Variants in SCGB1D2 observed in about 807,000 individuals in gnomAD.
The protein encoded by SCGB1D2 is secretoglobin family 1D member 2.
In SCGB1D2, 10 loss-of-function variants were observed where a neutral mutation model predicts 10.5. The observed-to-expected ratio is 0.95, with a 90% CI of 0.59 to 1.61. The LOEUF is 1.61. SCGB1D2 is among the 40% of genes most tolerant of loss of function. The pLI is 0.00. For missense variants in SCGB1D2, 113 were observed against 103.8 expected, an observed-to-expected ratio of 1.09 and a Z score of -0.38; for synonymous variants, 42 against 42.8, an observed-to-expected ratio of 0.98 and a Z score of 0.08.
At chr11:62,242,637 G>A (rs1312415222) in intron 1 of SCGB1D2, among the ~76,000 whole-genome samples, 3 of 152,194 alleles carry the variant, frequency 2.0e-5, no homozygotes, top group South Asian at 4.1e-4. Flanking sequence ...ATGATGTAAT[G>A]TGAGGTCTGG....
chr11:62,243,506 CT>C, intron 2 of SCGB1D2, 30 bp downstream of exon 2: 1 of 1,578,956 alleles, frequency 6.3e-7, no homozygotes, highest in Non-Finnish European at 8.7e-7. Context: ...TTTGTTAAGG[CT>C]TCTGGTCAGC....
In SCGB1D2 at chr11:62,242,247, G is replaced by T. The variant is rs1474288630; in HGVS notation, c.-61G>T. The T allele has an allele frequency of 6.3e-7, 1 of 1,577,772 alleles. No homozygotes were observed. The highest frequency in any genetic ancestry group is 1.3e-5 in the African/African-American group (1 of 74,086). ...GGGCTCTGCAGCTCCACAGGCTCCT[G>T]GGGTGGAGTCCAAATCACTCATTGT... On this transcript the variant is annotated 5_prime_UTR_variant, in exon 1 of 3. Transcript: ENST00000244926.
rs1367532446 is a variant in SCGB1D2, at chr11:62,242,321, T to C, written c.14T>C (p.Val5Ala). Reference sequence around the variant, plus strand: ...AAACAAGCCACCATGAAGCTGTCGGTGTGTCTCCTGCTGGTCACGCTGGCC... The same window carrying C: ...AAACAAGCCACCATGAAGCTGTCGGCGTGTCTCCTGCTGGTCACGCTGGCC... MKLS[V>A]CLLLVTLALC... The change falls in exon 1 of 3, where the codon GTG (valine) becomes GCG (alanine). Residue 5 changes from valine to alanine, a missense_variant. Val to Ala is a moderately conservative substitution (Grantham distance 64). Coordinates refer to ENST00000244926, the MANE Select transcript of SCGB1D2 (RefSeq NM_006551.4). 6.2e-7 allele frequency: 1 copy of C among 1,613,966 alleles called. No individual in the cohort carries two copies. The highest frequency in any genetic ancestry group is 8.5e-7 in the Non-Finnish European group (1 of 1,179,994).
intron 2 of SCGB1D2, 31 bp from the exon 3 acceptor site, chr11:62,244,639 C>A: frequency 2.5e-6 from 4 of 1,608,062 alleles, no homozygotes; most frequent in African/African-American, 1.3e-5. Flanking sequence ...GCATGACTGA[C>A]CCCACCTTCT....
In SCGB1D2 at chr11:62,243,392, G is replaced by A. The variant is rs747612106; in HGVS notation, c.159G>A (p.Pro53=). Residue 53 remains proline (P), a synonymous_variant, in exon 2 of 3, where the codon CCG becomes CCA. Transcript: ENST00000244926. The part of the protein sequence containing the change: ...KLSLAKFDAP[P]EAVAAKLGVK... ...GTCTTGCCAAATTTGATGCCCCTCC[G>A]GAAGCTGTTGCAGCCAAGTTAGGAG... 4.6e-5 allele frequency: 74 copies of A among 1,613,900 alleles called. No homozygotes were observed. The highest frequency in any genetic ancestry group is 1.6e-4 in the Middle Eastern group (1 of 6,082).
At chr11:62,243,603 G>C (rs1026425999) in intron 2 of SCGB1D2, 127 bp downstream of exon 2, 1 of 747,070 alleles carries the variant, frequency 1.3e-6, no homozygotes, top group African/African-American at 1.7e-5. Context: ...CTCTTGAGAA[G>C]GTCACCTGGG....
chr11:62,244,284 G>C (rs1197323829), intron 2 of SCGB1D2, among the ~76,000 whole-genome samples: 1 of 152,168 alleles, frequency 6.6e-6, no homozygotes, highest in African/African-American at 2.4e-5. Context: ...TGGAAGCCAA[G>C]CTTCCCAGAA....
In SCGB1D2 at chr11:62,243,474, C is replaced by G. The variant is rs1306806862; in HGVS notation, c.241C>G (p.Leu81Val). ...LQKRSLIAEV[L>V]VKILKKCSV Reference sequence around the variant, plus strand: ...GAAACGAAGCCTCATTGCGGAAGTCCTGGTAACTTCTTTCTCCTTTATTTG... The same window carrying G: ...GAAACGAAGCCTCATTGCGGAAGTCGTGGTAACTTCTTTCTCCTTTATTTG... Residue 81 changes from leucine to valine, a missense_variant and splice_region_variant, in exon 2 of 3, where the codon CTG becomes GTG. Coordinates refer to ENST00000244926, the MANE Select transcript of SCGB1D2 (RefSeq NM_006551.4). 6.2e-7 allele frequency: 1 copy of G among 1,611,214 alleles called. No individual in the cohort carries two copies. Among genetic ancestry groups the G allele is most frequent in the Non-Finnish European group, 8.5e-7 (1 of 1,178,392 alleles).
Position 62,244,664 on chromosome 11 carries a change from T to C in SCGB1D2, c.244-6T>C. The C allele has an allele frequency of 6.2e-7, 1 of 1,612,816 alleles. No homozygotes were observed. On this transcript the variant is annotated splice_region_variant and splice_polypyrimidine_tract_variant and intron_variant, in intron 2 of 2. Transcript: ENST00000244926. ...CCCCACCTTCTTTTTTCTTTTCCTA[T>C]TTTAGGTGAAAATATTGAAGAAATG...
rs1165960090 is a variant in SCGB1D2, at chr11:62,242,346, C to T, written c.39C>T (p.Ala13=). The part of the protein sequence containing the change: ...LSVCLLLVTL[A]LCCYQANAEF... ...TGTGTCTCCTGCTGGTCACGCTGGC[C>T]CTCTGCTGCTACCAGGGTGAGTACA... The change falls in exon 1 of 3, where the codon GCC becomes GCT. Residue 13 remains alanine (A), a synonymous_variant. Coordinates refer to ENST00000244926, the MANE Select transcript of SCGB1D2 (RefSeq NM_006551.4). 4.3e-6 allele frequency: 7 copies of T among 1,614,022 alleles called. No homozygotes were observed. Among genetic ancestry groups the T allele is most frequent in the Non-Finnish European group, 5.9e-6 (7 of 1,179,950 alleles).
At chr11:62,244,247 T>C (rs1365919316) in intron 2 of SCGB1D2, among the ~76,000 whole-genome samples, 1 of 152,112 alleles carries the variant, frequency 6.6e-6, no homozygotes, top group Non-Finnish European at 1.5e-5. Flanking sequence ...TGAGGCAGAA[T>C]TCCCACATGG....
Position 62,244,756 on chromosome 11 carries a change from C to T in SCGB1D2, c.*57C>T. On this transcript the variant is annotated 3_prime_UTR_variant, in exon 3 of 3. Coordinates refer to ENST00000244926, the MANE Select transcript of SCGB1D2 (RefSeq NM_006551.4). ...TCTTTCAATGACACCCTGATCTTCA[C>T]TGCAGAATGTAAAGGTTTCAACGTC... is the stretch of plus-strand genomic sequence containing the variant. The T allele has an allele frequency of 1.4e-6, 2 of 1,414,758 alleles. No individual in the cohort carries two copies. The highest frequency in any genetic ancestry group is 2.0e-6 in the Non-Finnish European group (2 of 1,001,938). 87.6% of individuals were successfully genotyped at this position (1,414,758 alleles called of 1,614,324 possible).
rs769104183 is a variant in SCGB1D2, at chr11:62,242,307, C to G, written c.-1C>G. On this transcript the variant is annotated 5_prime_UTR_variant, in exon 1 of 3. Coordinates refer to ENST00000244926, the MANE Select transcript of SCGB1D2 (RefSeq NM_006551.4). The stretch of plus-strand genomic sequence containing the variant: ...CTGAGCTCACAGCAAAACAAGCCAC[C>G]ATGAAGCTGTCGGTGTGTCTCCTGC... 1 of 1,614,078 alleles carries G rather than the reference C, an allele frequency of 6.2e-7. No individual in the cohort carries two copies. Among genetic ancestry groups the G allele is most frequent in the South Asian group, 1.1e-5 (1 of 91,072 alleles).
chr11:62,243,490 C>G lies in SCGB1D2; in HGVS notation c.243+14C>G. 1 of 1,606,398 alleles carries G rather than the reference C, an allele frequency of 6.2e-7. No individual in the cohort carries two copies. Among genetic ancestry groups the G allele is most frequent in the Non-Finnish European group, 8.5e-7 (1 of 1,175,174 alleles). Reference sequence around the variant, plus strand: ...GCGGAAGTCCTGGTAACTTCTTTCTCCTTTATTTGTTAAGGCTTCTGGTCA... The same window carrying G: ...GCGGAAGTCCTGGTAACTTCTTTCTGCTTTATTTGTTAAGGCTTCTGGTCA... On this transcript the variant is annotated intron_variant, in intron 2 of 2. Coordinates refer to ENST00000244926, the MANE Select transcript of SCGB1D2 (RefSeq NM_006551.4).
intron 1 of SCGB1D2, 87 bp from the exon 2 acceptor site, chr11:62,243,202 G>A (rs1189216774): frequency 1.9e-6 from 2 of 1,051,950 alleles, no homozygotes; most frequent in East Asian, 2.4e-5. Context: ...ATATAACCCA[G>A]GGGATCCTGT....
rs1945081167 is a variant in SCGB1D2 at position 62,243,461 on chromosome 11, C to A, written c.228C>A (p.Leu76=). ...AGATGTCCCTTCAGAAACGAAGCCTCATTGCGGAAGTCCTGGTAACTTCTT... is the reference window on the plus strand; with the variant it reads ...AGATGTCCCTTCAGAAACGAAGCCTAATTGCGGAAGTCCTGGTAACTTCTT... ...TDQMSLQKRS[L]IAEVLVKILK... is the part of the protein sequence containing the mutation. Residue 76 remains leucine, a synonymous_variant, in exon 2 of 3, where the codon CTC becomes CTA. Transcript: ENST00000244926. The A allele has an allele frequency of 1.9e-6, 3 of 1,613,138 alleles. No individual in the cohort carries two copies. Among genetic ancestry groups the A allele is most frequent in the South Asian group, 2.2e-5 (2 of 90,884 alleles).
intron 2 of SCGB1D2, 128 bp from the exon 3 acceptor site, chr11:62,244,542 C>T (rs992217720): frequency 7.6e-6 from 6 of 785,948 alleles, no homozygotes; most frequent in Middle Eastern, 2.4e-4. Context: ...GTTTCCCAAA[C>T]TGAGTTGTTG....
At chr11:62,242,414 C>T (rs775289118) in intron 1 of SCGB1D2, 52 bp downstream of exon 1, 1 of 1,587,854 alleles carries the variant, frequency 6.3e-7, no homozygotes, top group Non-Finnish European at 8.6e-7. Context: ...GCACCCTCTT[C>T]CAAGCACGAG....
intron 2 of SCGB1D2, 88 bp downstream of exon 2, chr11:62,243,564 G>T: frequency 1.7e-6 from 2 of 1,169,490 alleles, no homozygotes; most frequent in Non-Finnish European, 2.4e-6. Flanking sequence ...TGGGGACACA[G>T]GTGGTGGGGC....
Sources: allele counts gnomAD v4.1 joint callset (sites outside exome capture counted in the v4.1 genomes callset), GRCh38; gene constraint gnomAD v4.1.1; transcripts MANE v1.5; gene names NCBI Gene and HGNC (gene_info 2026-07-23, HGNC 2026-07-21).